Variants in ACAP2 observed in about 807,000 individuals in gnomAD.
ACAP2 encodes ArfGAP with coiled-coil, ankyrin repeat and PH domains 2.
In ACAP2, 39 loss-of-function variants were observed where a neutral mutation model predicts 115.8. The observed-to-expected ratio is 0.34, with a 90% CI of 0.26 to 0.44. The LOEUF (loss-of-function observed/expected upper bound fraction) is 0.44, where lower values mean the gene tolerates loss of function less well. ACAP2 is among the 20% of genes least tolerant of loss of function. ACAP2 has a pLI of 1.00. For missense variants in ACAP2, 662 were observed against 927.6 expected, an observed-to-expected ratio of 0.71 and a Z score of 3.72; for synonymous variants, 289 against 315.8, an observed-to-expected ratio of 0.92 and a Z score of 0.90.
chr3:195,337,896 C>T lies in ACAP2; in HGVS notation c.529-920G>A, dbSNP rs903095415. Among the ~76,000 whole-genome samples, 3 of 143,606 alleles carry T rather than the reference C, an allele frequency of 2.1e-5. No individual in the cohort carries two copies. The Admixed American group carries it at 2.2e-4, about 10-fold the overall frequency. The allele number at this position is 143,606 out of a possible 152,430, so 94.2% of individuals were successfully genotyped here. The stretch of plus-strand genomic sequence containing the variant: ...CTATTACCTTCCCACTTTCTGTACT[C>T]CGACCTGAGCCCGGGGCCACTCCCA... On this transcript the variant is annotated intron_variant, in intron 6 of 22. Transcript: ENST00000326793.
At chr3:195,335,666 A>G (rs564900325) in intron 7 of ACAP2, among the ~76,000 whole-genome samples, 27 of 152,316 alleles carry the variant, frequency 1.8e-4, no homozygotes, top group African/African-American at 6.0e-4. Context: ...ATTATCTTTT[A>G]GAAAACAGGA....
chr3:195,303,346 T>C lies in ACAP2; in HGVS notation c.1117-1172A>G, dbSNP rs1053135256. On this transcript the variant is annotated intron_variant, in intron 13 of 22. Coordinates refer to ENST00000326793, the MANE Select transcript of ACAP2 (RefSeq NM_012287.6). Reference sequence around the variant, plus strand: ...ATTGCTTAAACCCGGGAGGGGGCTATTGTAGTAAGCCAAGATCATGCCACC... The same window carrying C: ...ATTGCTTAAACCCGGGAGGGGGCTACTGTAGTAAGCCAAGATCATGCCACC... Among the ~76,000 whole-genome samples, 12 of 150,758 alleles carry C rather than the reference T, an allele frequency of 8.0e-5. No individual in the cohort carries two copies. In the Middle Eastern group the frequency reaches 0.024, roughly 305 times the overall value.
At chr3:195,378,070 GGGAGGAAGGGAGGAAGGGAGGA>G (rs1560304550) in intron 4 of ACAP2, among the ~76,000 whole-genome samples, 6 of 143,576 alleles carry the variant, frequency 4.2e-5, no homozygotes, top group Non-Finnish European at 9.0e-5. Flanking sequence ...GAGGGAGGGA[GGGAGGAAGGGAGGAAGGGAGGA>G]GGAGGAAGGG....
rs1042569100 is a variant in ACAP2 at position 195,343,247 on chromosome 3, G to A, written c.345-593C>T. Among the ~76,000 whole-genome samples the A allele has an allele frequency of 2.1e-4, 32 of 151,930 alleles. 1 individual carries two copies. The highest frequency in any genetic ancestry group is 2.1e-3 in the Admixed American group (32 of 15,254). On this transcript the variant is annotated intron_variant, in intron 5 of 22. Coordinates refer to ENST00000326793, the MANE Select transcript of ACAP2 (RefSeq NM_012287.6). ...ATTGTTTTTCTAAAGACAAATTCAGGGACATGTACCATTATTTAACCAAAC... is the reference window on the plus strand; with the variant it reads ...ATTGTTTTTCTAAAGACAAATTCAGAGACATGTACCATTATTTAACCAAAC...
chr3:195,379,379 C>T lies in ACAP2; in HGVS notation c.285+1630G>A, dbSNP rs148826514. Among the ~76,000 whole-genome samples the T allele has an allele frequency of 5.9e-3, 902 of 152,134 alleles. 8 individuals carry two copies. The highest frequency in any genetic ancestry group is 0.021 in the African/African-American group (859 of 41,488). On this transcript the variant is annotated intron_variant, in intron 4 of 22. Coordinates refer to ENST00000326793, the MANE Select transcript of ACAP2 (RefSeq NM_012287.6). ...ATTTTCAAGAAAGTAAAAAAGAAAA[C>T]CTACAAAATGAGAGAAAATATTTGT...
intron 10 of ACAP2, among the ~76,000 whole-genome samples, chr3:195,311,364 T>C (rs1728756991): frequency 6.6e-6 from 1 of 152,154 alleles, no homozygotes; most frequent in Non-Finnish European, 1.5e-5. Context: ...CCCAAAGTGC[T>C]GGGACTACAG....
intron 9 of ACAP2, 124 bp from the exon 10 acceptor site, chr3:195,320,937 T>A: frequency 1.8e-6 from 1 of 561,088 alleles, no homozygotes; most frequent in Non-Finnish European, 3.2e-6. Context: ...ACAACAATAT[T>A]AATAAGAAAA....
chr3:195,389,727 A>C (rs1441696433), intron 2 of ACAP2, among the ~76,000 whole-genome samples: 1 of 152,250 alleles, frequency 6.6e-6, no homozygotes, highest in African/African-American at 2.4e-5. Context: ...GTAATTTTTA[A>C]GTAGAAAACG....
chr3:195,332,314 G>A (rs924834468), intron 8 of ACAP2, among the ~76,000 whole-genome samples: 1 of 151,874 alleles, frequency 6.6e-6, no homozygotes, highest in Non-Finnish European at 1.5e-5. Flanking sequence ...AAAGCAAATT[G>A]GAACAATAAC....
intron 1 of ACAP2, among the ~76,000 whole-genome samples, chr3:195,435,835 G>A (rs1002696551): frequency 6.6e-6 from 1 of 152,114 alleles, no homozygotes; most frequent in African/African-American, 2.4e-5. Flanking sequence ...GCTGCTGTAT[G>A]AAGTGTTCTA....
At chr3:195,405,001 T>C (rs1336209739) in intron 1 of ACAP2, among the ~76,000 whole-genome samples, 12 of 151,828 alleles carry the variant, frequency 7.9e-5, no homozygotes, top group African/African-American at 2.7e-4. Context: ...GCTTTCACCA[T>C]GTTGTCCAGG....
intron 1 of ACAP2, among the ~76,000 whole-genome samples, chr3:195,419,925 T>C (rs1238051875): frequency 2.0e-5 from 3 of 152,246 alleles, no homozygotes; most frequent in Non-Finnish European, 4.4e-5. Flanking sequence ...CAATACATTT[T>C]AAAGTTTGAT....
intron 1 of ACAP2, among the ~76,000 whole-genome samples, chr3:195,429,530 ACTAAT>A (rs1471452893): frequency 6.6e-6 from 1 of 152,190 alleles, no homozygotes; most frequent in African/African-American, 2.4e-5. Context: ...GATAGGCAAA[ACTAAT>A]CTAAAGTTCA....
chr3:195,338,789 A>C (rs1428762266), intron 6 of ACAP2, among the ~76,000 whole-genome samples: 1 of 152,008 alleles, frequency 6.6e-6, no homozygotes, highest in Non-Finnish European at 1.5e-5. Context: ...AGAATCATTC[A>C]CTCTTTGCCA....
At chr3:195,389,201 T>C (rs1379630963) in intron 2 of ACAP2, among the ~76,000 whole-genome samples, 1 of 152,136 alleles carries the variant, frequency 6.6e-6, no homozygotes, top group Non-Finnish European at 1.5e-5. Flanking sequence ...TTATAGTTCT[T>C]AGCACTCAAT....
At chr3:195,347,849 T>C (rs1003079287) in intron 4 of ACAP2, among the ~76,000 whole-genome samples, 4 of 151,884 alleles carry the variant, frequency 2.6e-5, no homozygotes, top group African/African-American at 9.7e-5. Flanking sequence ...TCTCTATATA[T>C]ATACATTTTC....
intron 1 of ACAP2, among the ~76,000 whole-genome samples, chr3:195,440,611 G>C (rs1414470751): frequency 1.3e-5 from 2 of 152,122 alleles, no homozygotes; most frequent in African/African-American, 4.8e-5. Flanking sequence ...TTTTTATTTT[G>C]ATACAAGTTT....
At chr3:195,290,225 C>T (rs1250610580) in intron 20 of ACAP2, among the ~76,000 whole-genome samples, 2 of 151,622 alleles carry the variant, frequency 1.3e-5, no homozygotes, top group Non-Finnish European at 2.9e-5. Flanking sequence ...AAAAATTAGC[C>T]GGGAGTGGCA....
At chr3:195,354,096 G>C (rs1731792772) in intron 4 of ACAP2, among the ~76,000 whole-genome samples, 1 of 152,128 alleles carries the variant, frequency 6.6e-6, no homozygotes, top group South Asian at 2.1e-4. Context: ...TGTGGTATTT[G>C]GTTTTCTGTT....
Sources: allele counts gnomAD v4.1 joint callset (sites outside exome capture counted in the v4.1 genomes callset), GRCh38; gene constraint gnomAD v4.1.1; transcripts MANE v1.5; gene names NCBI Gene and HGNC (gene_info 2026-07-23, HGNC 2026-07-21).